The following TNRC6C variants were observed in gnomAD, a reference collection of about 807,000 sequenced individuals.
The protein encoded by TNRC6C is trinucleotide repeat containing adaptor 6C.
Under a neutral mutation model 153.7 loss-of-function variants are expected in TNRC6C, and 20 were observed. The ratio of observed to expected loss-of-function variants is 0.13; its 90% confidence interval spans 0.09 to 0.19. The LOEUF (loss-of-function observed/expected upper bound fraction) is 0.19. TNRC6C is among the 10% of genes least tolerant of loss of function. The probability of loss-of-function intolerance (pLI) is 1.00; values close to 1 mark genes in which losing one functional copy is unlikely to be tolerated. For missense variants in TNRC6C, 1,987 were observed against 2,172.0 expected, an observed-to-expected ratio of 0.91 and a Z score of 1.69; for synonymous variants, 811 against 841.4, an observed-to-expected ratio of 0.96 and a Z score of 0.63.
At chr17:78,021,234 C>T (rs1368884037) in intron 1 of TNRC6C, among the ~76,000 whole-genome samples, 1 of 152,240 alleles carries the variant, frequency 6.6e-6, no homozygotes, top group Non-Finnish European at 1.5e-5. Flanking sequence ...ACAACCTCTC[C>T]AGAGAGTCCA....
At chr17:78,022,823 C>T (rs2071860376) in intron 1 of TNRC6C, among the ~76,000 whole-genome samples, 1 of 152,176 alleles carries the variant, frequency 6.6e-6, no homozygotes, top group African/African-American at 2.4e-5. Flanking sequence ...AACTGTCAAT[C>T]AAAAATATTT....
intron 10 of TNRC6C, among the ~76,000 whole-genome samples, chr17:78,082,138 T>C (rs2871763): frequency 0.47 from 69,748 of 148,810 alleles, 17,963 homozygotes; most frequent in African/African-American, 0.68. Context: ...CCAGGCAGAT[T>C]GGCAGGTCGA....
intron 4 of TNRC6C, 127 bp from the exon 7 acceptor site, chr17:78,067,630 T>A: frequency 2.1e-6 from 2 of 956,592 alleles, no homozygotes; most frequent in Non-Finnish European, 3.0e-6. Context: ...CTGGGAGAAA[T>A]GAAGGCATAA....
chr17:78,049,244 G>T lies in TNRC6C; in HGVS notation c.182G>T (p.Gly61Val), dbSNP rs573280818. 2 of 1,611,366 alleles carry T rather than the reference G, an allele frequency of 1.2e-6. No homozygotes were observed. Among genetic ancestry groups the T allele is most frequent in the Non-Finnish European group, 1.7e-6 (2 of 1,178,410 alleles). ...GGTGTAGCCACAGGCTCCAGCTCTG[G>T]CCTGGCTCACTGCTCTGTCAGTGGT... Residue 61 changes from glycine (G) to valine (V), a missense_variant, in exon 3 of 20, where the codon GGC becomes GTC. Transcript: ENST00000301624. The surrounding 1 kb of genome is among the most constrained non-coding windows in gnomAD (Gnocchi z 4.1).
intron 3 of TNRC6C, among the ~76,000 whole-genome samples, chr17:78,060,337 C>G (rs1363126263): frequency 3.3e-5 from 5 of 152,078 alleles, no homozygotes; most frequent in African/African-American, 1.2e-4. Flanking sequence ...AGTAAATTTG[C>G]ATTAAGTTTA....
intron 3 of TNRC6C, among the ~76,000 whole-genome samples, chr17:78,062,971 T>C (rs1020976549): frequency 1.4e-4 from 22 of 152,088 alleles, no homozygotes; most frequent in African/African-American, 5.3e-4. Flanking sequence ...AAAGACTGGG[T>C]ACGGTAACTC....
chr17:77,961,818 G>A (rs2070865253), intron 1 of TNRC6C, among the ~76,000 whole-genome samples: 1 of 152,214 alleles, frequency 6.6e-6, no homozygotes, highest in East Asian at 1.9e-4. Flanking sequence ...TCATACAGAG[G>A]ATATATGAAA....
upstream of TNRC6C, among the ~76,000 whole-genome samples, chr17:78,004,810 T>G (rs1468850090): frequency 1.3e-5 from 2 of 152,194 alleles, no homozygotes; most frequent in African/African-American, 4.8e-5. Flanking sequence ...TATTAGAGCC[T>G]GTTAAAATTA....
intron 1 of TNRC6C, among the ~76,000 whole-genome samples, chr17:78,024,397 C>T (rs1373239817): frequency 1.3e-5 from 2 of 151,922 alleles, no homozygotes; most frequent in Non-Finnish European, 2.9e-5. Flanking sequence ...GATGGAGTCT[C>T]TCTCTGTCTC....
chr17:78,018,166 C>T (rs1598693495), intron 1 of TNRC6C, among the ~76,000 whole-genome samples: 2 of 151,942 alleles, frequency 1.3e-5, no homozygotes, highest in East Asian at 1.9e-4. Flanking sequence ...CTTGCTCTGT[C>T]GCCAGGCTGG....
chr17:78,103,337 T>TA (rs1598800164), intron 18 of TNRC6C, 77 bp from the exon 22 acceptor site: 1 of 1,548,978 alleles, frequency 6.5e-7, no homozygotes, highest in Non-Finnish European at 8.8e-7. Context: ...TCCAATTTCA[T>TA]ACGTTTTTTC....
chr17:78,104,624 G>A lies in TNRC6C; in HGVS notation c.4852G>A (p.Ala1618Thr), dbSNP rs565542647. The A allele has an allele frequency of 1.2e-5, 18 of 1,548,200 alleles. No individual in the cohort carries two copies. The highest frequency in any genetic ancestry group is 2.4e-5 in the East Asian group (1 of 40,902). ...CGCGTCCAGCCAGCCGCGGCTCAGC[G>A]CAGCGGGCAGCTCCCATGGCCTGGT... The change falls in exon 20 of 20, where the codon GCA (alanine) becomes ACA (threonine). Residue 1618 changes from alanine (A) to threonine (T), a missense_variant. Ala to Thr is a moderately conservative substitution (Grantham distance 58, BLOSUM62 0). Coordinates refer to ENST00000301624, the Ensembl canonical transcript of TNRC6C. This position sits in a 1 kb window ranked among gnomAD's most constrained non-coding sequence, Gnocchi z 6.2.
At chr17:78,007,400 A>T (rs967860383) in intron 1 of TNRC6C, among the ~76,000 whole-genome samples, 2 of 152,202 alleles carry the variant, frequency 1.3e-5, no homozygotes, top group African/African-American at 2.4e-5. Context: ...CAGACTCTTC[A>T]TTATTACTGG....
chr17:78,027,004 G>A (rs1406926207), intron 1 of TNRC6C, among the ~76,000 whole-genome samples: 2 of 152,152 alleles, frequency 1.3e-5, no homozygotes, highest in Non-Finnish European at 2.9e-5. Context: ...TATGGGACAT[G>A]TTGATTTTGA....
At position 78,104,336 on chromosome 17, in the gene TNRC6C, C is replaced by G. The variant is rs2073650234; in HGVS notation, c.4713-149C>G. The G allele has an allele frequency of 1.8e-6, 2 of 1,116,794 alleles. No homozygotes were observed. Among genetic ancestry groups the G allele is most frequent in the African/African-American group, 3.3e-5 (2 of 60,536 alleles). The allele number at this position is 1,116,794 out of a possible 1,614,324, so 69.2% of individuals were successfully genotyped here. On this transcript the variant is annotated intron_variant, in intron 19 of 19. Transcript: ENST00000301624. The surrounding 1 kb of genome is among the most constrained non-coding windows in gnomAD (Gnocchi z 6.2). ...AGAAGTCTGAACTGAGCAAAACATTCACAGTCTGGGTTTGGAAATAGCAGT... is the reference window on the plus strand; with the variant it reads ...AGAAGTCTGAACTGAGCAAAACATTGACAGTCTGGGTTTGGAAATAGCAGT...
At chr17:78,105,708 CGT>C (rs1474138996) in exon 20 of TNRC6C, 1 of 152,132 alleles carries the variant, frequency 6.6e-6, no homozygotes, top group Non-Finnish European at 1.5e-5. Flanking sequence ...TGTTTGAAAG[CGT>C]GTGAGGATTT....
exon 11 of TNRC6C, chr17:78,083,131 A>G (rs201124248): frequency 1.3e-4 from 216 of 1,613,858 alleles, no homozygotes; most frequent in Non-Finnish European, 1.7e-4. Flanking sequence ...TCCTCAACAT[A>G]TGACGATGTT....
intron 2 of TNRC6C, among the ~76,000 whole-genome samples, chr17:78,044,037 C>T (rs1381550298): frequency 6.6e-6 from 1 of 152,178 alleles, no homozygotes; most frequent in Non-Finnish European, 1.5e-5. Context: ...GCTCTCTCTT[C>T]AATATACTGA....
rs371446050 is a variant in TNRC6C at position 78,079,584 on chromosome 17, T to C, written c.3357+43T>C. 636 of 1,600,368 alleles carry C rather than the reference T, an allele frequency of 4.0e-4. 5 individuals carry two copies. Among genetic ancestry groups the C allele is most frequent in the Non-Finnish European group, 7.3e-5 (85 of 1,169,158 alleles). On this transcript the variant is annotated intron_variant, in intron 10 of 19. Transcript: ENST00000301624. The surrounding 1 kb of genome is among the most constrained non-coding windows in gnomAD (Gnocchi z 4.3). ...GCAGGACTGAGCAACAGGATATAGA[T>C]GCCAGTGTTTCGTGGGGTCCTGTGT...
Sources: gnomAD v4.1 joint callset for allele counts (sites outside exome capture counted in the v4.1 genomes callset) on GRCh38, gnomAD v4.1.1 for gene constraint, Gnocchi (gnomAD v3.1) non-coding constraint, MANE v1.5 for transcripts, NCBI Gene and HGNC (gene_info 2026-07-23, HGNC 2026-07-21) for gene names.